Variants in KCNN2 observed in about 807,000 individuals in gnomAD.
The protein encoded by KCNN2 is small conductance calcium-activated potassium channel protein 2.
In KCNN2, 24 loss-of-function variants were observed where a neutral mutation model predicts 55.5. The ratio of observed to expected loss-of-function variants is 0.43; its 90% CI spans 0.31 to 0.61. The LOEUF is 0.61. Ranked by LOEUF, KCNN2 falls within the 20% of genes least tolerant of loss-of-function variation. The probability of loss-of-function intolerance (pLI) is 0.08; values close to 1 mark genes in which losing one functional copy is unlikely to be tolerated. For synonymous variants in KCNN2, 431 were observed against 336.1 expected, an observed-to-expected ratio of 1.28 and a Z score of -3.09; for missense variants, 754 against 853.6, an observed-to-expected ratio of 0.88 and a Z score of 1.45.
At chr5:114,220,825 C>CAA (rs11311434) in intron 1 of KCNN2, among the ~76,000 whole-genome samples, 1,816 of 91,752 alleles carry the variant, frequency 0.02, 52 homozygotes, top group African/African-American at 0.067. Context: ...GACTCCATCT[C>CAA]AAAAAAAAAA....
At chr5:114,075,176 C>T (rs1750660798) in intron 1 of KCNN2, among the ~76,000 whole-genome samples, 1 of 152,116 alleles carries the variant, frequency 6.6e-6, no homozygotes, top group South Asian at 2.1e-4. Flanking sequence ...AATGGTGTTT[C>T]AGAGATATAA....
chr5:114,166,385 A>G (rs1271142866), intron 1 of KCNN2, among the ~76,000 whole-genome samples: 1 of 152,140 alleles, frequency 6.6e-6, no homozygotes, highest in East Asian at 1.9e-4. Flanking sequence ...CGAGTGTTAC[A>G]TGCTGCCTTC....
intron 3 of KCNN2, among the ~76,000 whole-genome samples, chr5:114,431,575 C>T (rs1211218576): frequency 6.6e-6 from 1 of 151,978 alleles, no homozygotes; most frequent in South Asian, 2.1e-4. Context: ...CTGTTTTCCA[C>T]TTCATTGATA....
chr5:114,341,487 A>T (rs940771069), intron 2 of KCNN2, among the ~76,000 whole-genome samples: 5 of 152,142 alleles, frequency 3.3e-5, no homozygotes, highest in Non-Finnish European at 5.9e-5. Context: ...CAGATCCTGG[A>T]CAACTTGCTT....
intron 1 of KCNN2, among the ~76,000 whole-genome samples, chr5:114,067,119 GAA>G (rs1750468473): frequency 6.6e-6 from 1 of 152,172 alleles, no homozygotes; most frequent in Non-Finnish European, 1.5e-5. Context: ...AGATGGATCA[GAA>G]AAAAGAGAAG....
intron 2 of KCNN2, among the ~76,000 whole-genome samples, chr5:114,342,350 G>A (rs1757032532): frequency 6.6e-6 from 1 of 152,102 alleles, no homozygotes; most frequent in Non-Finnish European, 1.5e-5. Flanking sequence ...TTCCCTGAGA[G>A]CTTACATTTT....
chr5:114,456,915 A>G (rs1760950850), intron 3 of KCNN2, among the ~76,000 whole-genome samples: 1 of 152,222 alleles, frequency 6.6e-6, no homozygotes, highest in Non-Finnish European at 1.5e-5. Flanking sequence ...CCTATGGATC[A>G]GCAAATAAAC....
chr5:114,252,712 T>C (rs1425346493), intron 2 of KCNN2, among the ~76,000 whole-genome samples: 3 of 151,052 alleles, frequency 2.0e-5, no homozygotes, highest in Non-Finnish European at 3.0e-5. Context: ...CTATAATAAC[T>C]TGATAGCCAG....
intron 2 of KCNN2, among the ~76,000 whole-genome samples, chr5:114,369,881 G>T (rs1047797600): frequency 1.3e-5 from 2 of 152,030 alleles, no homozygotes; most frequent in Non-Finnish European, 2.9e-5. Context: ...GCCATGTTTT[G>T]TACAGTTGAG....
At chr5:114,202,585 A>ATATATT (rs1430105677) in intron 1 of KCNN2, among the ~76,000 whole-genome samples, 2 of 92,152 alleles carry the variant, frequency 2.2e-5, no homozygotes, top group Non-Finnish European at 3.9e-5. Flanking sequence ...ATATATATAT[A>ATATATT]TTTTTTTTTT....
At chr5:114,246,257 T>G (rs1754746919) in intron 2 of KCNN2, among the ~76,000 whole-genome samples, 1 of 152,206 alleles carries the variant, frequency 6.6e-6, no homozygotes, top group Admixed American at 6.5e-5. Context: ...TTATTTGTAC[T>G]CATAAAAATA....
chr5:114,142,746 C>T (rs1752311870), intron 1 of KCNN2, among the ~76,000 whole-genome samples: 1 of 152,284 alleles, frequency 6.6e-6, no homozygotes. Context: ...GCATTCCATG[C>T]TCATACATAG....
chr5:114,281,037 C>G (rs143778933), intron 2 of KCNN2, among the ~76,000 whole-genome samples: 1,571 of 152,264 alleles, frequency 0.01, 17 homozygotes, highest in Middle Eastern at 0.017. Context: ...ATGCCTCCTT[C>G]CTTATTTCAT....
chr5:114,272,377 A>G (rs1755363877), intron 2 of KCNN2, among the ~76,000 whole-genome samples: 2 of 67,730 alleles, frequency 3.0e-5, no homozygotes, highest in Non-Finnish European at 5.7e-5. Context: ...ACACATATGT[A>G]TGTACATATA....
At chr5:114,343,906 C>T (rs886532239) in intron 2 of KCNN2, among the ~76,000 whole-genome samples, 5 of 152,100 alleles carry the variant, frequency 3.3e-5, no homozygotes, top group Non-Finnish European at 7.4e-5. Flanking sequence ...TTATGTGGTC[C>T]TAGGGGATTT....
chr5:114,230,199 A>G (rs1754328551), intron 2 of KCNN2, among the ~76,000 whole-genome samples: 1 of 152,082 alleles, frequency 6.6e-6, no homozygotes, highest in East Asian at 1.9e-4. Context: ...GTATTAGATT[A>G]TAAAGGATAA....
intron 1 of KCNN2, among the ~76,000 whole-genome samples, chr5:114,141,631 C>T (rs1375020623): frequency 6.6e-6 from 1 of 152,166 alleles, no homozygotes; most frequent in African/African-American, 2.4e-5. Flanking sequence ...ATTTATAATG[C>T]TTTGGGTATA....
chr5:114,281,153 GA>G (rs1755615686), intron 2 of KCNN2, among the ~76,000 whole-genome samples: 2 of 152,152 alleles, frequency 1.3e-5, no homozygotes, highest in South Asian at 4.1e-4. Flanking sequence ...TCCTAACAAG[GA>G]AATATGCTTA....
chr5:114,107,511 A>C (rs1014839457), intron 1 of KCNN2, among the ~76,000 whole-genome samples: 3 of 152,012 alleles, frequency 2.0e-5, no homozygotes, highest in African/African-American at 7.2e-5. Flanking sequence ...CAGCCTCCTG[A>C]ATAGCTGGGA....
Sources: gnomAD v4.1 joint callset for allele counts (sites outside exome capture counted in the v4.1 genomes callset) on GRCh38, gnomAD v4.1.1 for gene constraint, MANE v1.5 for transcripts, NCBI Gene and HGNC (gene_info 2026-07-23, HGNC 2026-07-21) for gene names.